Variants in PCDH17 observed in about 807,000 individuals in gnomAD.
The protein encoded by PCDH17 is protocadherin-17.
A neutral mutation model predicts 67.7 loss-of-function variants in PCDH17; 21 were observed. That is an observed-to-expected ratio of 0.31 (90% CI 0.22 to 0.45). The LOEUF (loss-of-function observed/expected upper bound fraction) is 0.45, where lower values mean the gene tolerates loss of function less well. Ranked by LOEUF, PCDH17 falls within the 20% of genes least tolerant of loss-of-function variation. The probability of loss-of-function intolerance (pLI) is 1.00; values close to 1 mark genes in which losing one functional copy is unlikely to be tolerated. For synonymous variants in PCDH17, 701 were observed against 656.7 expected, an observed-to-expected ratio of 1.07 and a Z score of -1.03; for missense variants, 1,471 against 1,564.8, an observed-to-expected ratio of 0.94 and a Z score of 1.01.
intron 1 of PCDH17, among the ~76,000 whole-genome samples, chr13:57,641,558 G>GAAA (rs71209470): frequency 2.4e-4 from 6 of 24,514 alleles, no homozygotes; most frequent in Admixed American, 6.8e-4. Context: ...GTGTTTGAGA[G>GAAA]AAAAAAAAAA....
chr13:57,645,627 G>A (rs1011905580), intron 1 of PCDH17, among the ~76,000 whole-genome samples: 1 of 151,052 alleles, frequency 6.6e-6, no homozygotes, highest in Non-Finnish European at 1.5e-5. Flanking sequence ...AGAAAGACAG[G>A]TGATCAAGTT....
At chr13:57,657,815 T>C (rs962832476) in intron 1 of PCDH17, among the ~76,000 whole-genome samples, 2 of 152,188 alleles carry the variant, frequency 1.3e-5, no homozygotes, top group Non-Finnish European at 2.9e-5. Flanking sequence ...AAAATATAAA[T>C]TTGGCTGATT....
In PCDH17 at chr13:57,666,770, A is replaced by G. The variant is rs774531650; in HGVS notation, c.2734A>G (p.Met912Val). 3 of 1,613,748 alleles carry G rather than the reference A, an allele frequency of 1.9e-6. No individual in the cohort carries two copies. The highest frequency in any genetic ancestry group is 1.7e-6 in the Non-Finnish European group (2 of 1,179,798). ...CACTAACAAAGGCTCCTGCTGTGACATGTCTGTTAGGGAGGCACTCAAGAT... is the reference window on the plus strand; with the variant it reads ...CACTAACAAAGGCTCCTGCTGTGACGTGTCTGTTAGGGAGGCACTCAAGAT... ...QDTNKGSCCD[M>V]SVREALKMKT... Residue 912 changes from methionine (M) to valine (V), a missense_variant, in exon 3 of 4, where the codon ATG becomes GTG. By Grantham distance (21) the Met-to-Val change is conservative (BLOSUM62 1). Transcript: ENST00000377918.
intron 3 of PCDH17, among the ~76,000 whole-genome samples, chr13:57,703,104 T>G (rs2138078165): frequency 6.6e-6 from 1 of 152,300 alleles, no homozygotes; most frequent in East Asian, 1.9e-4. Flanking sequence ...CCCCACTTTT[T>G]AATGACACAT....
rs373915196 is a variant in PCDH17 at position 57,693,315 on chromosome 13, C to CATATATATATGTATATATAT, written c.2797+26492_2797+26493insGTATATATATATATATATAT. On this transcript the variant is annotated intron_variant, in intron 3 of 3. Transcript: ENST00000377918. ...CTTGGTATATTTGTTCACTTACATT[C>CATATATATATGTATATATAT]ATATATATATATATATATATATATA... is the stretch of plus-strand genomic sequence containing the variant. Among the ~76,000 whole-genome samples the CATATATATATGTATATATAT allele has an allele frequency of 6.7e-5, 6 of 89,360 alleles. No homozygotes were observed. The East Asian group carries it at 1.2e-3, about 18-fold the overall frequency. The allele number at this position is 89,360 out of a possible 152,430, so 58.6% of individuals were successfully genotyped here.
In PCDH17 at chr13:57,666,654, A is replaced by G; in HGVS notation, c.2625-7A>G. 1 of 1,610,096 alleles carries G rather than the reference A, an allele frequency of 6.2e-7. No individual in the cohort carries two copies. The highest frequency in any genetic ancestry group is 8.5e-7 in the Non-Finnish European group (1 of 1,177,904). On this transcript the variant is annotated splice_region_variant and splice_polypyrimidine_tract_variant and intron_variant, in intron 2 of 3. Coordinates refer to ENST00000377918, the MANE Select transcript of PCDH17 (RefSeq NM_001040429.3). ...CTTTCTCTTCTTTTTCTTTATATGT[A>G]TTTCAGTAGCTCCACGTTTAAGGAC...
intron 3 of PCDH17, among the ~76,000 whole-genome samples, chr13:57,723,358 A>G (rs1054041582): frequency 2.6e-5 from 4 of 152,178 alleles, no homozygotes; most frequent in African/African-American, 7.2e-5. Flanking sequence ...AATTATTTAC[A>G]TGCTTTAAGT....
At chr13:57,698,000 C>A (rs1955627234) in intron 3 of PCDH17, among the ~76,000 whole-genome samples, 1 of 151,296 alleles carries the variant, frequency 6.6e-6, no homozygotes, top group African/African-American at 2.4e-5. Flanking sequence ...CACAGATAAC[C>A]ACATCACAGC....
Position 57,645,546 on chromosome 13 carries a change from A to G in PCDH17, c.2565+10435A>G, listed in dbSNP as rs1397920806. On this transcript the variant is annotated intron_variant, in intron 1 of 3. Transcript: ENST00000377918. ...CATATTTTGATATTTTTAAATTTAT[A>G]GTTACCACTTTTGTAATTATTGCTA... Among the ~76,000 whole-genome samples the G allele has an allele frequency of 3.3e-5, 5 of 151,546 alleles. No homozygotes were observed. In the East Asian group the frequency reaches 9.6e-4, roughly 29 times the overall value.
At chr13:57,687,494 A>G (rs1275090102) in intron 3 of PCDH17, among the ~76,000 whole-genome samples, 2 of 152,026 alleles carry the variant, frequency 1.3e-5, no homozygotes, top group Non-Finnish European at 2.9e-5. Flanking sequence ...TTTGCATTAT[A>G]TATATTTGAC....
chr13:57,695,506 G>C (rs1451256920), intron 3 of PCDH17, among the ~76,000 whole-genome samples: 1 of 151,132 alleles, frequency 6.6e-6, no homozygotes, highest in Admixed American at 6.6e-5. Flanking sequence ...TGGAGGAAAG[G>C]ATGGAAAAGA....
chr13:57,641,807 A>G (rs559776117), intron 1 of PCDH17, among the ~76,000 whole-genome samples: 1 of 150,932 alleles, frequency 6.6e-6, no homozygotes, highest in East Asian at 1.9e-4. Flanking sequence ...TCAAAAAAAT[A>G]AGGCAGTTAA....
chr13:57,720,505 G>T (rs1955863771), intron 3 of PCDH17, among the ~76,000 whole-genome samples: 1 of 151,534 alleles, frequency 6.6e-6, no homozygotes. Flanking sequence ...ATAAAATATT[G>T]TCATTTTATT....
chr13:57,645,342 A>T (rs1954951917), intron 1 of PCDH17, among the ~76,000 whole-genome samples: 1 of 151,702 alleles, frequency 6.6e-6, no homozygotes, highest in Non-Finnish European at 1.5e-5. Flanking sequence ...ACTTAAAAAA[A>T]TATGAATTCT....
chr13:57,662,616 T>C (rs1343442135), intron 1 of PCDH17, among the ~76,000 whole-genome samples: 2 of 152,168 alleles, frequency 1.3e-5, no homozygotes, highest in African/African-American at 4.8e-5. Flanking sequence ...CATGACTCAG[T>C]TTCACTACAT....
At chr13:57,699,774 G>A (rs970018329) in intron 3 of PCDH17, among the ~76,000 whole-genome samples, 3 of 151,702 alleles carry the variant, frequency 2.0e-5, no homozygotes, top group Non-Finnish European at 4.4e-5. Context: ...TACATCGAAG[G>A]AATCTTCAGT....
intron 3 of PCDH17, among the ~76,000 whole-genome samples, chr13:57,693,160 A>G (rs749899876): frequency 1.1e-4 from 16 of 150,212 alleles, no homozygotes; most frequent in Non-Finnish European, 1.8e-4. Context: ...AAATACCAAG[A>G]AAGTTAGTGC....
At chr13:57,668,284 A>T (rs963423634) in intron 3 of PCDH17, among the ~76,000 whole-genome samples, 2 of 152,056 alleles carry the variant, frequency 1.3e-5, no homozygotes, top group African/African-American at 4.8e-5. Context: ...ACTGCATGAG[A>T]TAGACCCATC....
chr13:57,704,564 C>CAA (rs112583999), intron 3 of PCDH17, among the ~76,000 whole-genome samples: 1 of 122,284 alleles, frequency 8.2e-6, no homozygotes, highest in Non-Finnish European at 1.8e-5. Flanking sequence ...AATCTCTATC[C>CAA]AAAAAAAAAA....
Sources: allele counts gnomAD v4.1 joint callset (sites outside exome capture counted in the v4.1 genomes callset), GRCh38; gene constraint gnomAD v4.1.1; transcripts MANE v1.5; gene names NCBI Gene and HGNC (gene_info 2026-07-23, HGNC 2026-07-21).